Variants in PTPRN2 observed in about 807,000 individuals in gnomAD.
PTPRN2 encodes the protein receptor-type tyrosine-protein phosphatase N2.
In PTPRN2, 74 loss-of-function variants were observed where a neutral mutation model predicts 118.8. The observed-to-expected ratio is 0.62, with a 90% CI of 0.52 to 0.76. PTPRN2 has a LOEUF of 0.76. PTPRN2 is among the 30% of genes least tolerant of loss of function. The probability of loss-of-function intolerance (pLI) is 0.00; values close to 1 mark genes in which losing one functional copy is unlikely to be tolerated. For missense variants in PTPRN2, 1,481 were observed against 1,394.4 expected (o/e 1.06, Z -0.99); for synonymous variants, 641 against 608.0 (o/e 1.05, Z -0.80).
intron 10 of PTPRN2, among the ~76,000 whole-genome samples, chr7:158,109,529 A>G (rs183899411): frequency 1.4e-4 from 21 of 149,910 alleles, no homozygotes; most frequent in African/African-American, 5.2e-4. Flanking sequence ...CCCTGTGTGA[A>G]GGAGCCAGTG....
At chr7:158,262,998 G>C (rs1394377731) in intron 3 of PTPRN2, among the ~76,000 whole-genome samples, 1 of 140,042 alleles carries the variant, frequency 7.1e-6, no homozygotes, top group African/African-American at 2.8e-5. Context: ...CACACACATT[G>C]CACACACACA....
At chr7:158,537,001 C>A (rs1466433711) in intron 1 of PTPRN2, among the ~76,000 whole-genome samples, 1 of 152,152 alleles carries the variant, frequency 6.6e-6, no homozygotes, top group Non-Finnish European at 1.5e-5. Context: ...CATGACTGGG[C>A]CATCAGGGTG....
chr7:158,344,960 G>A (rs2151248816), intron 2 of PTPRN2, among the ~76,000 whole-genome samples: 1 of 152,292 alleles, frequency 6.6e-6, no homozygotes, highest in South Asian at 2.1e-4. Flanking sequence ...AGAGCTTTAG[G>A]CAGAAGACAG....
At chr7:158,215,951 C>T (rs2150778143) in intron 3 of PTPRN2, among the ~76,000 whole-genome samples, 1 of 152,208 alleles carries the variant, frequency 6.6e-6, no homozygotes, top group South Asian at 2.1e-4. Context: ...ACATGGCAAG[C>T]AACAACCTGA....
intron 12 of PTPRN2, among the ~76,000 whole-genome samples, chr7:157,846,910 G>A (rs1808859486): frequency 6.7e-6 from 1 of 149,998 alleles, no homozygotes; most frequent in African/African-American, 2.5e-5. Flanking sequence ...ACTCCATCAT[G>A]TGTGCCTGAT....
At chr7:158,398,975 TTC>T (rs1008788825) in intron 2 of PTPRN2, among the ~76,000 whole-genome samples, 2 of 152,262 alleles carry the variant, frequency 1.3e-5, no homozygotes, top group Non-Finnish European at 2.9e-5. Context: ...TTAATTTTTT[TTC>T]TTTTTGTTTT....
intron 2 of PTPRN2, among the ~76,000 whole-genome samples, chr7:158,371,155 T>A (rs1463729794): frequency 6.6e-6 from 1 of 152,098 alleles, no homozygotes; most frequent in East Asian, 1.9e-4. Flanking sequence ...GCCCACAGTG[T>A]GGACAAGGAT....
chr7:157,595,736 G>A (rs1046974438), intron 16 of PTPRN2, among the ~76,000 whole-genome samples: 1 of 152,196 alleles, frequency 6.6e-6, no homozygotes, highest in Non-Finnish European at 1.5e-5. Context: ...AGAGGGAAAG[G>A]TGGCATCTCC....
intron 10 of PTPRN2, among the ~76,000 whole-genome samples, chr7:158,086,781 G>T (rs1365749052): frequency 3.3e-5 from 5 of 152,220 alleles, no homozygotes; most frequent in African/African-American, 1.2e-4. Flanking sequence ...CATAAGCATT[G>T]ATTTGGGGGT....
At chr7:158,444,504 T>G (rs1346667045) in intron 2 of PTPRN2, among the ~76,000 whole-genome samples, 1 of 152,214 alleles carries the variant, frequency 6.6e-6, no homozygotes, top group Non-Finnish European at 1.5e-5. Flanking sequence ...CAGGAATCTC[T>G]CTACCACCTG....
At chr7:158,504,634 G>C (rs1245505569) in intron 1 of PTPRN2, among the ~76,000 whole-genome samples, 2 of 152,152 alleles carry the variant, frequency 1.3e-5, no homozygotes, top group African/African-American at 4.8e-5. Flanking sequence ...CCATGTCTCT[G>C]CTGTTGTGTA....
chr7:158,536,102 G>A (rs534918492), intron 1 of PTPRN2, among the ~76,000 whole-genome samples: 88 of 151,748 alleles, frequency 5.8e-4, no homozygotes, highest in Non-Finnish European at 6.9e-4. Context: ...GGATGTTGGC[G>A]ATGCAATGCC....
At chr7:158,477,387 G>T (rs952687782) in intron 2 of PTPRN2, among the ~76,000 whole-genome samples, 1 of 152,236 alleles carries the variant, frequency 6.6e-6, no homozygotes, top group Non-Finnish European at 1.5e-5. Context: ...TGTTACCTCC[G>T]AGTGGGAGTG....
intron 2 of PTPRN2, among the ~76,000 whole-genome samples, chr7:158,336,781 C>G (rs1469333458): frequency 9.7e-6 from 1 of 102,594 alleles, no homozygotes; most frequent in Non-Finnish European, 2.2e-5. Flanking sequence ...GAGGTGACAC[C>G]TGCAGACGTC....
chr7:157,795,088 G>A (rs1804781078), intron 12 of PTPRN2, among the ~76,000 whole-genome samples: 1 of 145,698 alleles, frequency 6.9e-6, no homozygotes, highest in Admixed American at 6.8e-5. Flanking sequence ...CCTCACCTGT[G>A]CACCTGGGAG....
chr7:157,776,795 C>G (rs1418271717), intron 12 of PTPRN2, among the ~76,000 whole-genome samples: 1 of 130,690 alleles, frequency 7.7e-6, no homozygotes, highest in Non-Finnish European at 1.6e-5. Flanking sequence ...CCCTCTCCTC[C>G]TCCCTTTCCT....
intron 14 of PTPRN2, among the ~76,000 whole-genome samples, chr7:157,635,033 C>A (rs1585145136): frequency 1.3e-5 from 2 of 152,340 alleles, no homozygotes; most frequent in Admixed American, 1.3e-4. Flanking sequence ...CACACTGGTC[C>A]ATCTCCCTGG....
intron 2 of PTPRN2, among the ~76,000 whole-genome samples, chr7:158,369,013 G>A (rs1809749148): frequency 6.6e-6 from 1 of 152,120 alleles, no homozygotes; most frequent in Non-Finnish European, 1.5e-5. Flanking sequence ...CTCAGTCTGG[G>A]TGGGCACCAT....
At chr7:158,273,838 AC>A in intron 3 of PTPRN2, among the ~76,000 whole-genome samples, 1 of 124,376 alleles carries the variant, frequency 8.0e-6, no homozygotes, top group Non-Finnish European at 1.6e-5. Flanking sequence ...AGCCGCAGAC[AC>A]AGGGGGAGCC....
Sources: gnomAD v4.1 joint callset for allele counts (sites outside exome capture counted in the v4.1 genomes callset) on GRCh38, gnomAD v4.1.1 for gene constraint, MANE v1.5 for transcripts, NCBI Gene and HGNC (gene_info 2026-07-23, HGNC 2026-07-21) for gene names.